Variants in POF1B observed in about 807,000 individuals in gnomAD.
POF1B encodes protein POF1B.
A neutral mutation model predicts 55.3 loss-of-function variants in POF1B; 53 were observed. That is an observed-to-expected ratio of 0.96 (90% confidence interval 0.77 to 1.20). The LOEUF (loss-of-function observed/expected upper bound fraction) is 1.20. Ranked by LOEUF, POF1B falls within the 50% of genes most tolerant of loss-of-function variation. The pLI, the probability that POF1B is intolerant of heterozygous loss-of-function variation, is 0.00. For missense variants in POF1B, 478 were observed against 420.5 expected (o/e 1.14, Z -1.20); for synonymous variants, 188 against 148.3 (o/e 1.27, Z -1.95).
chrX:85,298,985 C>T (rs771606099), intron 15 of POF1B, among the ~76,000 whole-genome samples: 19 of 110,025 alleles, frequency 1.7e-4, no homozygotes, highest in African/African-American at 5.6e-4. Context: ...ATGCTCTATG[C>T]CATAAAAGAA....
chrX:85,369,727 T>C (rs1417536928), intron 2 of POF1B, among the ~76,000 whole-genome samples: 1 of 112,001 alleles, frequency 8.9e-6, no homozygotes, highest in Non-Finnish European at 1.9e-5. Flanking sequence ...TTGTGCAACA[T>C]GTTTCTTTAG....
chrX:85,339,430 A>G (rs777706359), intron 6 of POF1B, among the ~76,000 whole-genome samples: 12 of 111,362 alleles, frequency 1.1e-4, no homozygotes, highest in Non-Finnish European at 1.9e-4. Context: ...TCCAGATGAA[A>G]GAAGGAAGAA....
At chrX:85,344,898 T>A (rs1933241179) in intron 6 of POF1B, among the ~76,000 whole-genome samples, 1 of 111,823 alleles carries the variant, frequency 8.9e-6, no homozygotes, top group African/African-American at 3.2e-5. Flanking sequence ...AATGCAGATG[T>A]GAGTCACCGA....
intron 2 of POF1B, among the ~76,000 whole-genome samples, chrX:85,374,332 C>G (rs1275128503): frequency 9.0e-6 from 1 of 111,150 alleles, no homozygotes; most frequent in African/African-American, 3.3e-5. Context: ...ATCTGAACCT[C>G]TTCAGTCAAG....
At chrX:85,282,910 T>C (rs1603018253) in intron 15 of POF1B, among the ~76,000 whole-genome samples, 1 of 110,945 alleles carries the variant, frequency 9.0e-6, no homozygotes, top group African/African-American at 3.3e-5. Flanking sequence ...GCTGGCAATT[T>C]TGGGAGCTCT....
intron 16 of POF1B, among the ~76,000 whole-genome samples, chrX:85,281,649 CTG>C (rs1479258730): frequency 1.7e-4 from 19 of 109,033 alleles, no homozygotes; most frequent in African/African-American, 6.3e-4. Flanking sequence ...CTCACTATAA[CTG>C]TGGGATTTAA....
rs182336634 is a variant in POF1B at position 85,360,562 on chromosome X, T to C, written c.358-932A>G. 1.0e-3 allele frequency among the ~76,000 whole-genome samples: 81 copies of C among 80,187 alleles called. 7 individuals carry two copies. Among genetic ancestry groups the C allele is most frequent in the African/African-American group, 6.9e-3 (77 of 11,229 alleles). 69.6% of individuals were successfully genotyped at this position (80,187 alleles called of 115,157 possible). A position where few individuals can be genotyped will look rare whatever the true frequency, so the allele number is the denominator to read the frequency against. On this transcript the variant is annotated intron_variant, in intron 3 of 16. Coordinates refer to ENST00000262753, the MANE Select transcript of POF1B (RefSeq NM_024921.4). ...ATATATATATATATATATATATACATATATACACATTTTCTTTATCCAATC... is the reference window on the plus strand; with the variant it reads ...ATATATATATATATATATATATACACATATACACATTTTCTTTATCCAATC...
Position 85,278,152 on chromosome X carries a change from GTT to G in POF1B, c.*1267_*1268del, listed in dbSNP as rs1306781548. On this transcript the variant is annotated 3_prime_UTR_variant, in exon 17 of 17. Transcript: ENST00000262753. ...ACACTTCTAGAAAAGAACATTAAAAGTTTTTTCCTCATTTATGGTTTGATTTA... is the reference window on the plus strand; with the variant it reads ...ACACTTCTAGAAAAGAACATTAAAAGTTTTCCTCATTTATGGTTTGATTTA... 9.0e-6 allele frequency: 1 copy of G among 110,824 alleles called. No homozygotes were observed. Among genetic ancestry groups the G allele is most frequent in the African/African-American group, 3.3e-5 (1 of 30,609 alleles). The allele number at this position is 110,824 out of a possible 1,213,427, so 9.1% of individuals were successfully genotyped here.
intron 15 of POF1B, among the ~76,000 whole-genome samples, chrX:85,302,368 C>T (rs760014127): frequency 9.0e-6 from 1 of 111,366 alleles, no homozygotes; most frequent in South Asian, 3.8e-4. Context: ...TTAGGGAATA[C>T]AAATCAAAAC....
At chrX:85,296,583 G>A (rs1030229529) in intron 15 of POF1B, among the ~76,000 whole-genome samples, 1 of 111,972 alleles carries the variant, frequency 8.9e-6, no homozygotes, top group African/African-American at 3.2e-5. Context: ...TTTCTGGCTT[G>A]TAAGTTTTCT....
In POF1B at chrX:85,312,550, C is replaced by A; in HGVS notation, c.957+1882G>T. 3.6e-5 allele frequency among the ~76,000 whole-genome samples: 4 copies of A among 111,339 alleles called. No homozygotes were observed. In the Middle Eastern group the frequency reaches 0.018, roughly 513 times the overall value. On this transcript the variant is annotated intron_variant, in intron 9 of 16. Coordinates refer to ENST00000262753, the MANE Select transcript of POF1B (RefSeq NM_024921.4). ...TTGGTCTATCTCTCTGTTTTGGTAC[C>A]GGTACCATGCTGTTTTTGTTACTGA...
chrX:85,305,786 C>T lies in POF1B; in HGVS notation c.1437+5G>A. On this transcript the variant is annotated splice_donor_5th_base_variant and intron_variant, in intron 13 of 16. Coordinates refer to ENST00000262753, the MANE Select transcript of POF1B (RefSeq NM_024921.4). Reference sequence around the variant, plus strand: ...GTGTATTTATGCAATGTAGGATCAACATACCCTCAGTCTGCAGATCTCTCT... The same window carrying T: ...GTGTATTTATGCAATGTAGGATCAATATACCCTCAGTCTGCAGATCTCTCT... 1 of 1,207,487 alleles carries T rather than the reference C, an allele frequency of 8.3e-7. No individual in the cohort carries two copies. Among genetic ancestry groups the T allele is most frequent in the Non-Finnish European group, 1.1e-6 (1 of 893,203 alleles).
intron 3 of POF1B, 92 bp from the exon 4 acceptor site, chrX:85,359,722 AT>A: frequency 1.8e-6 from 1 of 541,971 alleles, no homozygotes. Flanking sequence ...CCAGGGTTAA[AT>A]TTTTAGTTAT....
intron 4 of POF1B, among the ~76,000 whole-genome samples, chrX:85,352,644 T>A (rs1161605509): frequency 9.0e-6 from 1 of 111,230 alleles, no homozygotes; most frequent in Non-Finnish European, 1.9e-5. Flanking sequence ...TAGAAAGACT[T>A]CCCTAGAAGA....
chrX:85,367,422 C>G (rs1238953164), intron 3 of POF1B, among the ~76,000 whole-genome samples: 1 of 111,985 alleles, frequency 8.9e-6, no homozygotes, highest in Non-Finnish European at 1.9e-5. Context: ...CATCCATACT[C>G]ACTTGGCTAA....
intron 9 of POF1B, among the ~76,000 whole-genome samples, chrX:85,314,181 G>A (rs914720064): frequency 4.5e-5 from 5 of 110,904 alleles, no homozygotes; most frequent in Admixed American, 9.7e-5. Context: ...GTACTAAAGC[G>A]CTGAGGAGTG....
intron 2 of POF1B, among the ~76,000 whole-genome samples, chrX:85,376,841 T>C (rs191159143): frequency 1.8e-5 from 2 of 111,568 alleles, no homozygotes; most frequent in Admixed American, 9.5e-5. Flanking sequence ...AGCATCAATT[T>C]TGGTTTCTCA....
chrX:85,299,186 T>C (rs186899916), intron 15 of POF1B, among the ~76,000 whole-genome samples: 3 of 100,000 alleles, frequency 3.0e-5, no homozygotes, highest in African/African-American at 1.2e-4. Flanking sequence ...ACAATCTTTT[T>C]TTTTCTTTTT....
chrX:85,304,565 A>G, intron 13 of POF1B, 94 bp from the exon 14 acceptor site: 1 of 474,745 alleles, frequency 2.1e-6, no homozygotes, highest in Non-Finnish European at 3.0e-6. Context: ...AAACTCACAC[A>G]GTTATGAAAT....
Sources: gnomAD v4.1 joint callset for allele counts (sites outside exome capture counted in the v4.1 genomes callset) on GRCh38, gnomAD v4.1.1 for gene constraint, MANE v1.5 for transcripts, NCBI Gene and HGNC (gene_info 2026-07-23, HGNC 2026-07-21) for gene names.